NFASC: variants seen among roughly 807,000 people sequenced by gnomAD.
NFASC encodes the protein neurofascin, also known as neurofascin homolog.
A neutral mutation model predicts 147.5 loss-of-function variants in NFASC; 43 were observed. The observed-to-expected ratio is 0.29, with a 90% confidence interval of 0.23 to 0.38. NFASC has a LOEUF of 0.38. NFASC is among the 10% of genes least tolerant of loss of function. The pLI, the probability that NFASC is intolerant of heterozygous loss-of-function variation, is 1.00. For missense variants in NFASC, 1,320 were observed against 1,689.0 expected (o/e 0.78, Z 3.83); for synonymous variants, 622 against 665.5 (o/e 0.93, Z 1.01).
Position 204,919,753 on chromosome 1 carries a change from C to T in NFASC, c.-199-879C>T, listed in dbSNP as rs536134050. On this transcript the variant is annotated intron_variant, in intron 1 of 29. Transcript: ENST00000339876. ...AAGCCATTCTCCTGCCTCAGCCTCC[C>T]GACTAGCTGGGACTACAGGTGTGCC... Among the ~76,000 whole-genome samples, 750 of 152,148 alleles carry T rather than the reference C, an allele frequency of 4.9e-3. 10 individuals are homozygous for T. The highest frequency in any genetic ancestry group is 0.017 in the African/African-American group (709 of 41,498).
intron 1 of NFASC, among the ~76,000 whole-genome samples, chr1:204,906,216 A>G (rs1226361793): frequency 6.6e-6 from 1 of 152,206 alleles, no homozygotes; most frequent in African/African-American, 2.4e-5. Context: ...TTACTGAGTT[A>G]TAAGTTACAC....
chr1:204,910,372 A>G (rs905955822), intron 1 of NFASC, among the ~76,000 whole-genome samples: 1 of 152,152 alleles, frequency 6.6e-6, no homozygotes, highest in African/African-American at 2.4e-5. Flanking sequence ...TTATGTGCAT[A>G]TAGAGATAGT....
intron 1 of NFASC, among the ~76,000 whole-genome samples, chr1:204,879,764 A>C (rs1336933150): frequency 6.6e-6 from 1 of 152,222 alleles, no homozygotes; most frequent in Non-Finnish European, 1.5e-5. Flanking sequence ...GATGGAGAGA[A>C]AGGAATTCAG....
Position 204,974,193 on chromosome 1 carries a change from A to C in NFASC, c.1294A>C (p.Met432Leu), listed in dbSNP as rs750873953. 1.2e-6 allele frequency: 2 copies of C among 1,613,794 alleles called. No individual in the cohort carries two copies. Among genetic ancestry groups the C allele is most frequent in the African/African-American group, 2.7e-5 (2 of 74,902 alleles). Residue 432 changes from methionine (M) to leucine (L), a missense_variant, in exon 13 of 30, where the codon ATG (methionine) becomes CTG (leucine). Met to Leu is a conservative substitution (Grantham distance 15, BLOSUM62 2). Around this residue, in one of 3 missense-constraint regions of NFASC, gnomAD observed 981 missense variants for 1,289.5 expected, o/e 0.76. Coordinates refer to ENST00000339876, the MANE Select transcript of NFASC (RefSeq NM_001005388.3). The part of the protein sequence containing the change: ...FVSVLDVPPR[M>L]LSPRNQLIRV... The stretch of plus-strand genomic sequence containing the variant: ...GGGAATTTCAGATGTGCCGCCTCGG[A>C]TGCTGTCGCCCCGGAACCAGCTCAT...
At position 204,988,482 on chromosome 1, in the gene NFASC, C is replaced by T. The variant is rs953244628; in HGVS notation, c.2594-151C>T. 10 of 692,852 alleles carry T rather than the reference C, an allele frequency of 1.4e-5. No homozygotes were observed. In the South Asian group the frequency reaches 1.8e-4, roughly 13 times the overall value. 42.9% of individuals were successfully genotyped at this position (692,852 alleles called of 1,614,324 possible). The stretch of plus-strand genomic sequence containing the variant: ...GAGGGAGTTCTTGCCGAGTGTTCTG[C>T]CTTTGAACCAAGCCTTTAAGATCAC... On this transcript the variant is annotated intron_variant, in intron 22 of 29. Transcript: ENST00000339876.
In NFASC at chr1:204,855,429, T is replaced by G. The variant is rs2076068816; in HGVS notation, c.-200+26647T>G. ...TAGACCTTAAAAGATCAATAATATT[T>G]TGATACATGGTGAAAAAACGAAAAA... On this transcript the variant is annotated intron_variant, in intron 1 of 29. Coordinates refer to ENST00000339876, the MANE Select transcript of NFASC (RefSeq NM_001005388.3). 7.9e-5 allele frequency among the ~76,000 whole-genome samples: 12 copies of G among 152,280 alleles called. 1 individual carries two copies. In the South Asian group the frequency reaches 2.5e-3, roughly 32 times the overall value.
At chr1:204,906,866 G>C (rs968372974) in intron 1 of NFASC, among the ~76,000 whole-genome samples, 1 of 152,080 alleles carries the variant, frequency 6.6e-6, no homozygotes, top group Admixed American at 6.5e-5. Flanking sequence ...TGTATTTTTA[G>C]TAGAGACGGG....
chr1:204,994,614 G>T (rs550814540), intron 24 of NFASC, among the ~76,000 whole-genome samples: 1 of 152,174 alleles, frequency 6.6e-6, no homozygotes, highest in African/African-American at 2.4e-5. Flanking sequence ...CCTGCACTAC[G>T]CGGTGTGATG....
At chr1:204,971,741 A>G (rs758349922) in intron 11 of NFASC, among the ~76,000 whole-genome samples, 8 of 152,188 alleles carry the variant, frequency 5.3e-5, no homozygotes, top group Non-Finnish European at 1.0e-4. Flanking sequence ...TGAGTCTGCA[A>G]TACAACTGCA....
intron 25 of NFASC, chr1:204,999,784 C>T (rs2095933556): frequency 6.6e-6 from 1 of 152,250 alleles, no homozygotes; most frequent in African/African-American, 2.4e-5. Context: ...CCTGCAGGCT[C>T]AGTCACATGT....
chr1:204,887,686 T>C (rs1479869829), intron 1 of NFASC, among the ~76,000 whole-genome samples: 1 of 136,398 alleles, frequency 7.3e-6, no homozygotes, highest in African/African-American at 2.7e-5. Flanking sequence ...AGCTTCGAAC[T>C]CCCAGGCTCA....
intron 2 of NFASC, among the ~76,000 whole-genome samples, chr1:204,934,176 T>C (rs1224860366): frequency 6.7e-6 from 1 of 148,332 alleles, no homozygotes; most frequent in Non-Finnish European, 1.5e-5. Flanking sequence ...AACTTGAAGA[T>C]GTTTCTCTGC....
At chr1:204,901,699 G>T (rs553920834) in intron 1 of NFASC, among the ~76,000 whole-genome samples, 1 of 152,232 alleles carries the variant, frequency 6.6e-6, no homozygotes, top group South Asian at 2.1e-4. Context: ...AGGGGAGAGT[G>T]GGGGCAAGGG....
chr1:204,984,848 T>G (rs2095583716), intron 21 of NFASC, among the ~76,000 whole-genome samples: 1 of 152,106 alleles, frequency 6.6e-6, no homozygotes, highest in Non-Finnish European at 1.5e-5. Context: ...CCCTTCTGAG[T>G]AGCGCTAATT....
intron 1 of NFASC, among the ~76,000 whole-genome samples, chr1:204,843,640 C>T (rs1676094082): frequency 8.0e-6 from 1 of 125,252 alleles, no homozygotes; most frequent in Non-Finnish European, 1.7e-5. Flanking sequence ...CCCTCCCTCC[C>T]TCCCTCCCTC....
chr1:204,993,075 G>C (rs1213150116), intron 24 of NFASC, among the ~76,000 whole-genome samples: 1 of 152,192 alleles, frequency 6.6e-6, no homozygotes, highest in Non-Finnish European at 1.5e-5. Flanking sequence ...TGCACAATGA[G>C]CAGGTGCCAA....
chr1:204,918,541 C>G (rs538340197), intron 1 of NFASC, among the ~76,000 whole-genome samples: 18 of 149,150 alleles, frequency 1.2e-4, no homozygotes, highest in African/African-American at 4.4e-4. Flanking sequence ...CTCAAAGGTT[C>G]ATTTGTTTCA....
At chr1:204,838,260 A>G (rs1463646861) in intron 1 of NFASC, among the ~76,000 whole-genome samples, 1 of 152,204 alleles carries the variant, frequency 6.6e-6, no homozygotes, top group African/African-American at 2.4e-5. Context: ...AAATTTATTT[A>G]TGTAATTTAT....
At chr1:204,910,497 C>T (rs2087103705) in intron 1 of NFASC, among the ~76,000 whole-genome samples, 1 of 132,260 alleles carries the variant, frequency 7.6e-6, no homozygotes, top group East Asian at 2.2e-4. Context: ...GGCAGGAATG[C>T]AGTGGCACCT....
Sources: allele counts gnomAD v4.1 joint callset (sites outside exome capture counted in the v4.1 genomes callset), GRCh38; gene constraint gnomAD v4.1.1; regional missense constraint gnomAD v4.1.1; transcripts MANE v1.5; gene names NCBI Gene and HGNC (gene_info 2026-07-23, HGNC 2026-07-21).